DHX8: variants seen among roughly 807,000 people sequenced by gnomAD.
DHX8 encodes ATP-dependent RNA helicase DHX8.
DHX8 carries 67 observed loss-of-function variants against 140.7 expected under a neutral mutation model. That is an observed-to-expected ratio of 0.48 (90% CI 0.39 to 0.58). The LOEUF is 0.58. Among genes scored for constraint, DHX8 ranks in the 20% least tolerant of loss-of-function variants. The pLI, the probability that DHX8 is intolerant of heterozygous loss-of-function variation, is 0.00. For synonymous variants in DHX8, 533 were observed against 553.2 expected (o/e 0.96, Z 0.51); for missense variants, 887 against 1,550.7 (o/e 0.57, Z 7.19).
chr17:43,515,045 C>T (rs1051858506), intron 17 of DHX8, among the ~76,000 whole-genome samples: 1 of 151,930 alleles, frequency 6.6e-6, no homozygotes, highest in Non-Finnish European at 1.5e-5. Context: ...ATGGGTGGTG[C>T]TACTAGATGA....
intron 18 of DHX8, chr17:43,519,910 CA>C: frequency 2.2e-6 from 1 of 457,450 alleles, no homozygotes; most frequent in South Asian, 2.6e-5. Context: ...CACTGCACTC[CA>C]GCCTGGGTGA....
chr17:43,494,972 C>T (rs887878370), intron 8 of DHX8, among the ~76,000 whole-genome samples: 2 of 141,804 alleles, frequency 1.4e-5, no homozygotes, highest in African/African-American at 2.5e-5. Context: ...CCACCACGCC[C>T]GGCTAATTTT....
chr17:43,492,081 A>T, intron 4 of DHX8, 102 bp from the exon 5 acceptor site: 1 of 787,090 alleles, frequency 1.3e-6, no homozygotes, highest in Non-Finnish European at 2.2e-6. Flanking sequence ...CCCCTCTTCT[A>T]TTTCCCTCAC....
intron 8 of DHX8, among the ~76,000 whole-genome samples, chr17:43,494,749 T>C (rs1968753979): frequency 6.7e-6 from 1 of 150,084 alleles, no homozygotes; most frequent in Non-Finnish European, 1.5e-5. Context: ...GTGAAACTCT[T>C]AGGTTAGTGT....
At chr17:43,537,205 A>C (rs1293778324) in intron 3 of DHX8, among the ~76,000 whole-genome samples, 1 of 151,918 alleles carries the variant, frequency 6.6e-6, no homozygotes, top group Non-Finnish European at 1.5e-5. Flanking sequence ...ATCTTTACTA[A>C]AAGTACAAAA....
At chr17:43,523,311 T>C (rs1970475915) in intron 22 of DHX8, among the ~76,000 whole-genome samples, 1 of 152,162 alleles carries the variant, frequency 6.6e-6, no homozygotes, top group African/African-American at 2.4e-5. Context: ...GTGGAAACAT[T>C]CTAATAAACA....
chr17:43,530,847 TATGA>T (rs938286967), downstream of DHX8, among the ~76,000 whole-genome samples: 2 of 150,434 alleles, frequency 1.3e-5, no homozygotes, highest in African/African-American at 2.4e-5. Flanking sequence ...CACTCCCACC[TATGA>T]ATGAGAAGAT....
At position 43,483,979 on chromosome 17, in the gene DHX8, C is replaced by G; in HGVS notation, c.-59C>G. 1.9e-6 allele frequency: 3 copies of G among 1,585,662 alleles called. No individual in the cohort carries two copies. The highest frequency in any genetic ancestry group is 2.6e-6 in the Non-Finnish European group (3 of 1,166,372). On this transcript the variant is annotated 5_prime_UTR_variant, in exon 1 of 23. Coordinates refer to ENST00000262415, the MANE Select transcript of DHX8 (RefSeq NM_004941.3). The stretch of plus-strand genomic sequence containing the variant: ...TGACCCGGAAGTGAAAGCTGGAACC[C>G]GGCCGGAGTAGCTCTGAGCGCCGGC...
chr17:43,532,852 G>A (rs1447593432), intron 2 of DHX8: 1 of 1,613,664 alleles, frequency 6.2e-7, no homozygotes, highest in Admixed American at 1.7e-5. Context: ...CCGACAGCTG[G>A]TGTTGGTAGG....
chr17:43,526,311 C>T, downstream of DHX8: 2 of 1,416,920 alleles, frequency 1.4e-6, no homozygotes, highest in South Asian at 1.5e-5. Context: ...TTGTTCACCC[C>T]CACCCCGCGA....
In DHX8 at chr17:43,491,224, T is replaced by C; in HGVS notation, c.367T>C (p.Cys123Arg). The part of the protein sequence containing the change: ...EKLKELFPVL[C>R]QPDNPSVRTM... ...GCTGAAGGAACTCTTCCCAGTCCTT[T>C]GCCAACCGGACAACCCTTCTGTTCG... Residue 123 changes from cysteine (C) to arginine (R), a missense_variant, in exon 4 of 23, where the codon TGC (cysteine) becomes CGC (arginine). Transcript: ENST00000262415. 1 of 1,537,556 alleles carries C rather than the reference T, an allele frequency of 6.5e-7. No individual in the cohort carries two copies. Among genetic ancestry groups the C allele is most frequent in the Non-Finnish European group, 8.8e-7 (1 of 1,142,222 alleles).
At chr17:43,515,418 A>C (rs1364265048) in intron 17 of DHX8, among the ~76,000 whole-genome samples, 1 of 152,150 alleles carries the variant, frequency 6.6e-6, no homozygotes, top group African/African-American at 2.4e-5. Flanking sequence ...CCATCTCCTG[A>C]CCACATGATC....
chr17:43,494,132 T>A (rs1332741124), intron 8 of DHX8, among the ~76,000 whole-genome samples: 1 of 152,210 alleles, frequency 6.6e-6, no homozygotes, highest in South Asian at 2.1e-4. Flanking sequence ...ATATCTCACA[T>A]GGCAGTAGAC....
Position 43,524,127 on chromosome 17 carries a change from A to G in DHX8, c.*280A>G. ...ATTGCATCAACTTCAAGAAAGGGACAATTTGTGCAGCTCCAGGATGGGAAG... is the reference window on the plus strand; with the variant it reads ...ATTGCATCAACTTCAAGAAAGGGACGATTTGTGCAGCTCCAGGATGGGAAG... On this transcript the variant is annotated 3_prime_UTR_variant, in exon 23 of 23. Coordinates refer to ENST00000262415, the MANE Select transcript of DHX8 (RefSeq NM_004941.3). 7.9e-7 allele frequency: 1 copy of G among 1,269,988 alleles called. No individual in the cohort carries two copies. Among genetic ancestry groups the G allele is most frequent in the Non-Finnish European group, 1.0e-6 (1 of 997,718 alleles). 78.7% of individuals were successfully genotyped at this position (1,269,988 alleles called of 1,614,324 possible). A position where few individuals can be genotyped will look rare whatever the true frequency, so the allele number is the denominator to read the frequency against.
Position 43,493,333 on chromosome 17 carries a change from C to G in DHX8, c.864-112C>G, listed in dbSNP as rs1968649612. 10 of 1,426,060 alleles carry G rather than the reference C, an allele frequency of 7.0e-6. No individual in the cohort carries two copies. In the Middle Eastern group the frequency reaches 7.7e-4, roughly 110 times the overall value. The allele number at this position is 1,426,060 out of a possible 1,614,324, so 88.3% of individuals were successfully genotyped here. ...TTATTGTTTGACCACCTTCATGGTACTTTTCTCTTGAGTTTAAGACCATTT... is the reference window on the plus strand; with the variant it reads ...TTATTGTTTGACCACCTTCATGGTAGTTTTCTCTTGAGTTTAAGACCATTT... On this transcript the variant is annotated intron_variant, in intron 6 of 22. Transcript: ENST00000262415.
At chr17:43,513,977 T>C (rs1435000178) in intron 17 of DHX8, among the ~76,000 whole-genome samples, 2 of 152,044 alleles carry the variant, frequency 1.3e-5, no homozygotes, top group Non-Finnish European at 1.5e-5. Context: ...CCTCCCAAAG[T>C]GCTGGGATTA....
chr17:43,523,937 C>G lies in DHX8; in HGVS notation c.*90C>G. ...GCTGGTCCTGAGGATACAGCTGTCC[C>G]GTGACTGACTGTCTTAACTGAGCAT... On this transcript the variant is annotated 3_prime_UTR_variant, in exon 23 of 23. Transcript: ENST00000262415. 1.3e-6 allele frequency: 2 copies of G among 1,553,292 alleles called. No individual in the cohort carries two copies. Among genetic ancestry groups the G allele is most frequent in the Non-Finnish European group, 1.7e-6 (2 of 1,149,316 alleles).
At chr17:43,532,988 C>A (rs1392910637) in intron 2 of DHX8, 2 of 1,526,436 alleles carry the variant, frequency 1.3e-6, no homozygotes, top group African/African-American at 1.4e-5. Flanking sequence ...TTAAATTAAT[C>A]CTTCCTCGAG....
downstream of DHX8, among the ~76,000 whole-genome samples, chr17:43,531,661 C>T (rs1397985696): frequency 6.6e-6 from 1 of 152,182 alleles, no homozygotes; most frequent in African/African-American, 2.4e-5. Context: ...GAGAGCAAGA[C>T]TCCATCTCAA....
Sources: gnomAD v4.1 joint callset for allele counts (sites outside exome capture counted in the v4.1 genomes callset) on GRCh38, gnomAD v4.1.1 for gene constraint, MANE v1.5 for transcripts, NCBI Gene and HGNC (gene_info 2026-07-23, HGNC 2026-07-21) for gene names.